Variants in CHM observed in about 807,000 individuals in gnomAD.
CHM encodes CHM Rab escort protein.
In CHM, 10 loss-of-function variants were observed where a neutral mutation model predicts 49.0. The ratio of observed to expected loss-of-function variants is 0.20; its 90% CI spans 0.13 to 0.35. The LOEUF (loss-of-function observed/expected upper bound fraction) is 0.35, where lower values mean the gene tolerates loss of function less well. Among genes scored for constraint, CHM ranks in the 10% least tolerant of loss-of-function variants. The pLI, the probability that CHM is intolerant of heterozygous loss-of-function variation, is 1.00. For missense variants in CHM, 455 were observed against 478.4 expected, an observed-to-expected ratio of 0.95 and a Z score of 0.46; for synonymous variants, 184 against 167.5, an observed-to-expected ratio of 1.10 and a Z score of -0.76.
intron 8 of CHM, among the ~76,000 whole-genome samples, chrX:85,921,869 A>G (rs923147197): frequency 1.8e-5 from 2 of 112,514 alleles, no homozygotes; most frequent in African/African-American, 6.5e-5. Flanking sequence ...GGTGGCTGCC[A>G]GTCTGAAAAA....
chrX:85,980,536 C>T (rs1931534059), intron 3 of CHM, among the ~76,000 whole-genome samples: 1 of 112,147 alleles, frequency 8.9e-6, no homozygotes, highest in Non-Finnish European at 1.9e-5. Context: ...TTAAATCAAT[C>T]AATCAATGCA....
chrX:85,921,362 C>G (rs916127846), intron 8 of CHM, among the ~76,000 whole-genome samples: 1 of 111,535 alleles, frequency 9.0e-6, no homozygotes. Context: ...TTTACAGAAG[C>G]CATCCTAAGG....
In CHM at chrX:85,891,038, T is replaced by C. The variant is rs758306621; in HGVS notation, c.1510+3150A>G. ...GTTTTAGCAAAGAGACTGGCAGCAC[T>C]TTGGCCCTGCCCTAGAGATTTGTGG... is the stretch of plus-strand genomic sequence containing the variant. On this transcript the variant is annotated intron_variant, in intron 12 of 14. Coordinates refer to ENST00000357749, the MANE Select transcript of CHM (RefSeq NM_000390.4). Among the ~76,000 whole-genome samples the C allele has an allele frequency of 4.5e-5, 5 of 111,736 alleles. No individual in the cohort carries two copies. In the South Asian group the frequency reaches 1.9e-3, roughly 42 times the overall value.
intron 2 of CHM, among the ~76,000 whole-genome samples, chrX:85,985,330 A>G (rs1221530671): frequency 2.7e-5 from 3 of 112,273 alleles, no homozygotes; most frequent in East Asian, 5.7e-4. Context: ...CCCCGATTCC[A>G]TTCCTCCTCA....
At chrX:85,928,719 G>C (rs1413348388) in intron 8 of CHM, among the ~76,000 whole-genome samples, 2 of 111,375 alleles carry the variant, frequency 1.8e-5, no homozygotes, top group Non-Finnish European at 3.8e-5. Flanking sequence ...AAAATGAACA[G>C]TAGGTCTTTG....
intron 9 of CHM, among the ~76,000 whole-genome samples, chrX:85,902,288 G>C (rs1926335790): frequency 9.0e-6 from 1 of 111,237 alleles, no homozygotes; most frequent in African/African-American, 3.3e-5. Context: ...AGCCATATAA[G>C]TGATATTTTC....
intron 2 of CHM, among the ~76,000 whole-genome samples, chrX:85,997,165 G>A (rs1932476981): frequency 9.0e-6 from 1 of 111,582 alleles, no homozygotes. Flanking sequence ...GTCAATAAGG[G>A]ATTATTGCAT....
chrX:85,935,440 G>C (rs908597564), intron 8 of CHM, among the ~76,000 whole-genome samples: 4 of 111,170 alleles, frequency 3.6e-5, no homozygotes, highest in Non-Finnish European at 7.6e-5. Context: ...TGCACCATTA[G>C]GCAATTTCAT....
chrX:85,885,455 A>C (rs1478614524), intron 12 of CHM, among the ~76,000 whole-genome samples: 4 of 110,729 alleles, frequency 3.6e-5, no homozygotes, highest in African/African-American at 1.3e-4. Flanking sequence ...TAAAAGCCAT[A>C]ATTTTGTAAT....
chrX:85,887,121 T>C (rs1925133834), intron 12 of CHM, among the ~76,000 whole-genome samples: 1 of 110,028 alleles, frequency 9.1e-6, no homozygotes, highest in Non-Finnish European at 1.9e-5. Flanking sequence ...TCCATTTGTC[T>C]AGTTTTGTAC....
intron 2 of CHM, among the ~76,000 whole-genome samples, chrX:85,982,198 T>C (rs1221060047): frequency 9.0e-6 from 1 of 111,353 alleles, no homozygotes; most frequent in Admixed American, 9.5e-5. Flanking sequence ...GAAAAACTGC[T>C]AAGTTTTCTG....
At chrX:86,004,854 C>T (rs1231080792) in intron 2 of CHM, among the ~76,000 whole-genome samples, 3 of 111,529 alleles carry the variant, frequency 2.7e-5, no homozygotes, top group East Asian at 2.8e-4. Context: ...GACAGATCAA[C>T]GAGACAGAAG....
chrX:86,041,089 G>A (rs1934440283), intron 1 of CHM, among the ~76,000 whole-genome samples: 1 of 111,774 alleles, frequency 8.9e-6, no homozygotes, highest in South Asian at 3.7e-4. Flanking sequence ...AGAATGTAAT[G>A]GTGGGCTGCC....
intron 4 of CHM, among the ~76,000 whole-genome samples, chrX:85,968,036 C>A (rs747599054): frequency 4.5e-5 from 5 of 111,491 alleles, no homozygotes; most frequent in African/African-American, 1.6e-4. Flanking sequence ...TTACCCAATA[C>A]GACTTGCTGC....
chrX:86,019,114 G>A (rs1483130774), intron 2 of CHM, among the ~76,000 whole-genome samples: 1 of 111,625 alleles, frequency 9.0e-6, no homozygotes, highest in Non-Finnish European at 1.9e-5. Flanking sequence ...GGAAGAGGAG[G>A]CACACTTGAA....
At chrX:85,952,630 G>A (rs989329027) in intron 8 of CHM, among the ~76,000 whole-genome samples, 1 of 112,470 alleles carries the variant, frequency 8.9e-6, no homozygotes, top group Non-Finnish European at 1.9e-5. Context: ...GTGAGACCCA[G>A]TACATTCCCA....
intron 2 of CHM, among the ~76,000 whole-genome samples, chrX:86,000,638 T>A (rs191587849): frequency 7.2e-4 from 80 of 111,352 alleles, no homozygotes; most frequent in Non-Finnish European, 2.5e-4. Context: ...AAATATTGTA[T>A]ATATACACAA....
chrX:85,946,495 C>T (rs777119313), intron 8 of CHM, among the ~76,000 whole-genome samples: 6 of 111,861 alleles, frequency 5.4e-5, no homozygotes, highest in Non-Finnish European at 9.4e-5. Flanking sequence ...TGGCTCTGGT[C>T]GCTACTTCAG....
chrX:86,012,470 C>T, intron 2 of CHM, among the ~76,000 whole-genome samples: 1 of 111,193 alleles, frequency 9.0e-6, no homozygotes, highest in Non-Finnish European at 1.9e-5. Context: ...TGATTCCAGG[C>T]CTCTTTCAAC....
Sources: gnomAD v4.1 joint callset for allele counts (sites outside exome capture counted in the v4.1 genomes callset) on GRCh38, gnomAD v4.1.1 for gene constraint, MANE v1.5 for transcripts, NCBI Gene and HGNC (gene_info 2026-07-23, HGNC 2026-07-21) for gene names.